The following RNFT2 variants were observed in gnomAD, a reference collection of about 807,000 sequenced individuals.
RNFT2 encodes the protein ring finger protein, transmembrane 2, also known as E3 ubiquitin-protein ligase RNFT2.
RNFT2 carries 36 observed loss-of-function variants against 53.0 expected under a neutral mutation model. The ratio of observed to expected loss-of-function variants is 0.68; its 90% CI spans 0.52 to 0.90. RNFT2 has a LOEUF of 0.90. Among genes scored for constraint, RNFT2 ranks in the 40% least tolerant of loss-of-function variants. The pLI is 0.00. For synonymous variants in RNFT2, 260 were observed against 253.2 expected, an observed-to-expected ratio of 1.03 and a Z score of -0.26; for missense variants, 514 against 585.6, an observed-to-expected ratio of 0.88 and a Z score of 1.26.
chr12:116,772,334 G>A (rs1258152208), intron 6 of RNFT2, among the ~76,000 whole-genome samples: 1 of 152,094 alleles, frequency 6.6e-6, no homozygotes, highest in Non-Finnish European at 1.5e-5. Flanking sequence ...TTGAGACAGA[G>A]TCTCGCTCTG....
At position 116,781,794 on chromosome 12, in the gene RNFT2, C is replaced by T. The variant is rs542642568; in HGVS notation, c.882+2446C>T. 8.8e-4 allele frequency among the ~76,000 whole-genome samples: 134 copies of T among 152,048 alleles called. 1 individual carries two copies. Among genetic ancestry groups the T allele is most frequent in the African/African-American group, 3.1e-3 (128 of 41,496 alleles). ...GTTCCAGGCATTAAGGTGTGGACAT[C>T]GGCTGGGCACGGTGGCTCACGCCTG... is the stretch of plus-strand genomic sequence containing the variant. On this transcript the variant is annotated intron_variant, in intron 7 of 10. Coordinates refer to ENST00000257575, the MANE Select transcript of RNFT2 (RefSeq NM_001382266.1).
At chr12:116,806,382 ATATATAT>A (rs1324477686) in intron 7 of RNFT2, among the ~76,000 whole-genome samples, 2 of 126,662 alleles carry the variant, frequency 1.6e-5, no homozygotes, top group African/African-American at 6.3e-5. Context: ...AAAAAAAAAA[ATATATAT>A]ATATATATAT....
chr12:116,801,154 T>G (rs1015421528), intron 7 of RNFT2: 1 of 152,222 alleles, frequency 6.6e-6, no homozygotes, highest in African/African-American at 2.4e-5. Flanking sequence ...CACCCAGCAG[T>G]GAGCAGCAAA....
intron 7 of RNFT2, among the ~76,000 whole-genome samples, chr12:116,797,649 T>C (rs1272149321): frequency 6.6e-6 from 1 of 152,028 alleles, no homozygotes; most frequent in Non-Finnish European, 1.5e-5. Context: ...CCCAAGAGAA[T>C]TCAAGGGTGA....
Position 116,852,043 on chromosome 12 carries a change from G to T in RNFT2, c.*2595G>T. Reference sequence around the variant, plus strand: ...CCATCTGTGCTTCTGTGATCTCTATGACAGAGCCACTTCTCCACCTCTGAA... The same window carrying T: ...CCATCTGTGCTTCTGTGATCTCTATTACAGAGCCACTTCTCCACCTCTGAA... On this transcript the variant is annotated 3_prime_UTR_variant, in exon 11 of 11. Coordinates refer to ENST00000257575, the MANE Select transcript of RNFT2 (RefSeq NM_001382266.1). 8.3e-7 allele frequency: 1 copy of T among 1,210,790 alleles called. No individual in the cohort carries two copies. Among genetic ancestry groups the T allele is most frequent in the Non-Finnish European group, 1.1e-6 (1 of 895,204 alleles). 75.0% of individuals were successfully genotyped at this position (1,210,790 alleles called of 1,614,324 possible).
chr12:116,833,989 C>T (rs2137203074), intron 8 of RNFT2, 48 bp downstream of exon 8: 2 of 1,526,942 alleles, frequency 1.3e-6, no homozygotes, highest in Non-Finnish European at 1.7e-6. Context: ...GGGCCCCATT[C>T]ACTAGTCAGG....
At chr12:116,767,141 C>G (rs1261138366) in intron 6 of RNFT2, among the ~76,000 whole-genome samples, 1 of 152,192 alleles carries the variant, frequency 6.6e-6, no homozygotes, top group Non-Finnish European at 1.5e-5. Flanking sequence ...GAAAACTAAA[C>G]AGAAACAGGT....
intron 7 of RNFT2, among the ~76,000 whole-genome samples, chr12:116,799,134 C>T (rs55900757): frequency 0.26 from 38,996 of 152,108 alleles, 10,783 homozygotes; most frequent in African/African-American, 0.68. Flanking sequence ...TCTGTGTGAT[C>T]GTAGGACTTG....
intron 4 of RNFT2, among the ~76,000 whole-genome samples, chr12:116,751,212 G>A (rs1254309213): frequency 6.6e-6 from 1 of 151,480 alleles, no homozygotes; most frequent in Non-Finnish European, 1.5e-5. Flanking sequence ...CACTGCCCCG[G>A]CCTACTATAT....
At chr12:116,746,557 G>A (rs1169966840) in intron 3 of RNFT2, among the ~76,000 whole-genome samples, 2 of 152,172 alleles carry the variant, frequency 1.3e-5, no homozygotes, top group East Asian at 3.9e-4. Context: ...TCTGACAGAT[G>A]AGCGTGCATT....
At chr12:116,836,332 AGGACCCTTCCCCAT>A (rs1876969287) in intron 10 of RNFT2, 50 bp downstream of exon 10, 2 of 1,450,496 alleles carry the variant, frequency 1.4e-6, no homozygotes, top group African/African-American at 1.4e-5. Context: ...GGGGGAGAGT[AGGACCCTTCCCCAT>A]GGGCAGTCCT....
chr12:116,745,173 A>T (rs76388367), intron 3 of RNFT2, among the ~76,000 whole-genome samples: 1 of 125,074 alleles, frequency 8.0e-6, no homozygotes, highest in Admixed American at 8.7e-5. Flanking sequence ...ATTGCACCAG[A>T]TTTTTTTTTT....
At chr12:116,843,898 A>G (rs1171859128) in intron 10 of RNFT2, among the ~76,000 whole-genome samples, 2 of 151,888 alleles carry the variant, frequency 1.3e-5, no homozygotes, top group Non-Finnish European at 2.9e-5. Flanking sequence ...CAGAGCCCCT[A>G]CTCTGTACCA....
At chr12:116,787,086 C>G (rs1287909566) in intron 7 of RNFT2, among the ~76,000 whole-genome samples, 1 of 152,196 alleles carries the variant, frequency 6.6e-6, no homozygotes, top group Admixed American at 6.5e-5. Flanking sequence ...AATAATGTCA[C>G]ATTCACAGCT....
chr12:116,794,674 G>GGAA lies in RNFT2; in HGVS notation c.882+15327_882+15328insAAG, dbSNP rs1320419158. Among the ~76,000 whole-genome samples the GGAA allele has an allele frequency of 2.3e-3, 264 of 116,928 alleles. 5 individuals are homozygous for GGAA. Among genetic ancestry groups the GGAA allele is most frequent in the East Asian group, 6.0e-3 (19 of 3,144 alleles). The allele number at this position is 116,928 out of a possible 152,430, so 76.7% of individuals were successfully genotyped here. A position where few individuals can be genotyped will look rare whatever the true frequency, so the allele number is the denominator to read the frequency against. On this transcript the variant is annotated intron_variant, in intron 7 of 10. Transcript: ENST00000257575. ...AGGAAGGAAGGAAGGGAGGAAGGAA[G>GGAA]GGAGGGAGGGAGGGAGGGAAGGGAA... is the stretch of plus-strand genomic sequence containing the variant.
chr12:116,807,998 C>T (rs965108966), intron 7 of RNFT2, among the ~76,000 whole-genome samples: 2 of 152,126 alleles, frequency 1.3e-5, no homozygotes, highest in Non-Finnish European at 2.9e-5. Flanking sequence ...AAGACAGTTT[C>T]GCTCTTGTTG....
intron 7 of RNFT2, among the ~76,000 whole-genome samples, chr12:116,808,984 T>C (rs1875228259): frequency 6.6e-6 from 1 of 152,170 alleles, no homozygotes; most frequent in Non-Finnish European, 1.5e-5. Context: ...CAGCCCCTTT[T>C]AGGATGGCCG....
intron 7 of RNFT2, among the ~76,000 whole-genome samples, chr12:116,831,158 G>A (rs1392096324): frequency 1.3e-5 from 2 of 148,346 alleles, no homozygotes; most frequent in African/African-American, 5.0e-5. Flanking sequence ...CCAGGAGTTT[G>A]AGACCAGCCT....
intron 3 of RNFT2, among the ~76,000 whole-genome samples, chr12:116,746,720 G>A (rs1273476969): frequency 6.6e-6 from 1 of 152,188 alleles, no homozygotes; most frequent in African/African-American, 2.4e-5. Context: ...ATCTCTCTGA[G>A]CCTCAGTTTG....
Sources: allele counts gnomAD v4.1 joint callset (sites outside exome capture counted in the v4.1 genomes callset), GRCh38; gene constraint gnomAD v4.1.1; transcripts MANE v1.5; gene names NCBI Gene and HGNC (gene_info 2026-07-23, HGNC 2026-07-21).